The following FUCA1 variants were observed in gnomAD, a reference collection of about 807,000 sequenced individuals.
FUCA1 encodes tissue alpha-L-fucosidase.
FUCA1 carries 52 observed loss-of-function variants against 56.8 expected under a neutral mutation model. The ratio of observed to expected loss-of-function variants is 0.92; its 90% CI spans 0.73 to 1.15. The LOEUF is 1.15. FUCA1 is among the 50% of genes most tolerant of loss of function. The pLI is 0.00. For synonymous variants in FUCA1, 230 were observed against 226.6 expected (o/e 1.02, Z -0.14); for missense variants, 568 against 592.6 (o/e 0.96, Z 0.43).
intron 6 of FUCA1, among the ~76,000 whole-genome samples, chr1:23,846,828 C>T (rs780392271): frequency 1.3e-4 from 19 of 151,780 alleles, no homozygotes; most frequent in Admixed American, 3.3e-4. Context: ...GTGATCCACC[C>T]GCCTCGGCCT....
chr1:23,858,626 AG>A (rs1639443887), intron 4 of FUCA1, among the ~76,000 whole-genome samples: 1 of 152,228 alleles, frequency 6.6e-6, no homozygotes. Context: ...TTTGGATATA[AG>A]GGAAGTAAGT....
intron 5 of FUCA1, among the ~76,000 whole-genome samples, chr1:23,852,701 C>T (rs1267069974): frequency 1.3e-5 from 2 of 152,152 alleles, no homozygotes; most frequent in Admixed American, 1.3e-4. Flanking sequence ...TGGTCTCCAG[C>T]TCCTAACTGC....
chr1:23,866,604 ATTC>A (rs757983535), intron 1 of FUCA1, among the ~76,000 whole-genome samples: 3 of 152,314 alleles, frequency 2.0e-5, no homozygotes, highest in East Asian at 1.9e-4. Flanking sequence ...TCTGTAGTGT[ATTC>A]TTCTTTAAAA....
chr1:23,856,847 C>T (rs1639400403), intron 4 of FUCA1, among the ~76,000 whole-genome samples: 2 of 151,952 alleles, frequency 1.3e-5, no homozygotes, highest in African/African-American at 4.8e-5. Context: ...AAAAAATTAG[C>T]CAGGTGTGAT....
intron 6 of FUCA1, 49 bp downstream of exon 6, chr1:23,848,600 C>T (rs767887373): frequency 1.8e-5 from 28 of 1,573,914 alleles, no homozygotes; most frequent in Admixed American, 3.3e-5. Flanking sequence ...ATACCAGTTC[C>T]GGATGGGGCA....
At chr1:23,859,047 G>C (rs1639453016) in intron 4 of FUCA1, among the ~76,000 whole-genome samples, 1 of 152,110 alleles carries the variant, frequency 6.6e-6, no homozygotes, top group Non-Finnish European at 1.5e-5. Flanking sequence ...CTCCCAAAGT[G>C]CTGGGATTAC....
chr1:23,845,656 G>A lies in FUCA1; in HGVS notation c.*59C>T. 1 of 1,605,060 alleles carries A rather than the reference G, an allele frequency of 6.2e-7. No individual in the cohort carries two copies. The highest frequency in any genetic ancestry group is 8.5e-7 in the Non-Finnish European group (1 of 1,171,770). The stretch of plus-strand genomic sequence containing the variant: ...GTTGATTATAGTGATGGTACTATAA[G>A]AGAAAAACTGAAGCAGGAAAACAGT... On this transcript the variant is annotated 3_prime_UTR_variant, in exon 8 of 8. Transcript: ENST00000374479.
chr1:23,856,152 CCAAA>C (rs1344920487), intron 4 of FUCA1, among the ~76,000 whole-genome samples: 14 of 152,116 alleles, frequency 9.2e-5, no homozygotes, highest in Non-Finnish European at 1.3e-4. Flanking sequence ...ACAAAACCAA[CCAAA>C]CAAACAAAAT....
chr1:23,868,272 C>T lies in FUCA1; in HGVS notation c.15G>A (p.Gly5=), dbSNP rs746017062. 1.7e-5 allele frequency: 27 copies of T among 1,552,444 alleles called. No individual in the cohort carries two copies. Among genetic ancestry groups the T allele is most frequent in the African/African-American group, 2.7e-5 (2 of 73,388 alleles). Residue 5 remains glycine (G), a synonymous_variant, in exon 1 of 8, where the codon GGG becomes GGA. Coordinates refer to ENST00000374479, the MANE Select transcript of FUCA1 (RefSeq NM_000147.5). MRAP[G]MRSRPAGPAL... ...CGGGACCCGCCGGCCGCGACCTCAT[C>T]CCCGGAGCCCGCATCGCTACCCCTC...
At chr1:23,852,485 C>T (rs2148441149) in intron 5 of FUCA1, among the ~76,000 whole-genome samples, 1 of 151,312 alleles carries the variant, frequency 6.6e-6, no homozygotes, top group South Asian at 2.1e-4. Context: ...TCCCCACGGT[C>T]TCCCTCTCCC....
At chr1:23,854,889 T>C (rs1034017014) in intron 4 of FUCA1, among the ~76,000 whole-genome samples, 4 of 152,176 alleles carry the variant, frequency 2.6e-5, no homozygotes, top group African/African-American at 9.7e-5. Flanking sequence ...CAGAGATACA[T>C]GTCAGGGCTG....
rs981725082 is a variant in FUCA1 at position 23,845,195 on chromosome 1, G to A, written c.*520C>T. On this transcript the variant is annotated 3_prime_UTR_variant, in exon 8 of 8. Transcript: ENST00000374479. ...CACTGTAAACATAGCGAATTTTGGC[G>A]CTTTTAGATTGCTCTGAAAATTTCT... is the stretch of plus-strand genomic sequence containing the variant. The A allele has an allele frequency of 3.4e-5, 6 of 176,282 alleles. No individual in the cohort carries two copies. Among genetic ancestry groups the A allele is most frequent in the Middle Eastern group, 2.7e-3 (1 of 366 alleles). 10.9% of individuals were successfully genotyped at this position (176,282 alleles called of 1,614,324 possible).
rs114490852 is a variant in FUCA1, at chr1:23,848,661, G to A, written c.1148C>T (p.Thr383Ile). Residue 383 changes from threonine (T) to isoleucine (I), a missense_variant, in exon 6 of 8, where the codon ACA becomes ATA. Thr to Ile is a moderately conservative substitution (Grantham distance 89). Transcript: ENST00000374479. Reference sequence around the variant, plus strand: ...AGACAAGACTCACCATACAGATGTTGTGTTCTTTTCCCATTGCACCCGCCA... The same window carrying A: ...AGACAAGACTCACCATACAGATGTTATGTTCTTTTCCCATTGCACCCGCCA... ...KPWRVQWEKNTTSVWYTSKGS... is the reference protein window; with the variant it reads ...KPWRVQWEKNITSVWYTSKGS... 3,918 of 1,614,104 alleles carry A rather than the reference G, an allele frequency of 2.4e-3. 40 individuals are homozygous for A. The African/African-American group carries it at 0.028, about 12-fold the overall frequency.
At chr1:23,860,376 G>A (rs976437733) in intron 3 of FUCA1, among the ~76,000 whole-genome samples, 4 of 151,968 alleles carry the variant, frequency 2.6e-5, no homozygotes, top group Non-Finnish European at 2.9e-5. Context: ...GAGGTCAGGA[G>A]ATCGAGACCA....
At position 23,865,033 on chromosome 1, in the gene FUCA1, T is replaced by C. The variant is rs192408915; in HGVS notation, c.524+458A>G. ...ACTCTTAAAGATCCAGACAGTGTTTTAGGTTTTGCAGGCCATTTGGTCTCT... is the reference window on the plus strand; with the variant it reads ...ACTCTTAAAGATCCAGACAGTGTTTCAGGTTTTGCAGGCCATTTGGTCTCT... On this transcript the variant is annotated intron_variant, in intron 2 of 7. Coordinates refer to ENST00000374479, the MANE Select transcript of FUCA1 (RefSeq NM_000147.5). 1.6e-3 allele frequency among the ~76,000 whole-genome samples: 240 copies of C among 152,298 alleles called. 1 individual carries two copies. The highest frequency in any genetic ancestry group is 5.6e-3 in the African/African-American group (233 of 41,578).
rs777813005 is a variant in FUCA1, at chr1:23,848,732, C to T, written c.1077G>A (p.Gly359=). 53 of 1,614,096 alleles carry T rather than the reference C, an allele frequency of 3.3e-5. No homozygotes were observed. Among genetic ancestry groups the T allele is most frequent in the Non-Finnish European group, 3.6e-5 (43 of 1,180,046 alleles). Reference sequence around the variant, plus strand: ...CCTCCCCATTGATGCTCAGCCATTTCCCAACAGCAAGAAGCCTTTCTTGGA... The same window carrying T: ...CCTCCCCATTGATGCTCAGCCATTTTCCAACAGCAAGAAGCCTTTCTTGGA... ...PIFQERLLAV[G]KWLSINGEAI... The change falls in exon 6 of 8, where the codon GGG becomes GGA. Residue 359 remains glycine, a synonymous_variant. Transcript: ENST00000374479.
intron 5 of FUCA1, among the ~76,000 whole-genome samples, chr1:23,849,550 G>T (rs996232160): frequency 2.7e-5 from 4 of 148,492 alleles, no homozygotes; most frequent in Admixed American, 6.8e-5. Context: ...GCCCCTTTGG[G>T]AAAACTGCTA....
chr1:23,853,987 C>T (rs1186429916), intron 5 of FUCA1, among the ~76,000 whole-genome samples: 2 of 151,182 alleles, frequency 1.3e-5, no homozygotes, highest in Non-Finnish European at 2.9e-5. Context: ...TGTTTATCTG[C>T]TGACCCTCCC....
At chr1:23,853,019 C>G (rs1021769791) in intron 5 of FUCA1, among the ~76,000 whole-genome samples, 1 of 148,764 alleles carries the variant, frequency 6.7e-6, no homozygotes, top group Non-Finnish European at 1.5e-5. Flanking sequence ...GCCATCCCAT[C>G]TAGGAAGTGA....
Sources: gnomAD v4.1 joint callset for allele counts (sites outside exome capture counted in the v4.1 genomes callset) on GRCh38, gnomAD v4.1.1 for gene constraint, MANE v1.5 for transcripts, NCBI Gene and HGNC (gene_info 2026-07-23, HGNC 2026-07-21) for gene names.